The following RASGEF1C variants were observed in gnomAD, a reference collection of about 807,000 sequenced individuals.
RASGEF1C encodes the protein ras-GEF domain-containing family member 1C.
RASGEF1C carries 27 observed loss-of-function variants against 58.1 expected under a neutral mutation model. The observed-to-expected ratio is 0.46, with a 90% CI of 0.34 to 0.64. The LOEUF is 0.64. RASGEF1C is among the 30% of genes least tolerant of loss of function. The pLI is 0.01. For missense variants in RASGEF1C, 502 were observed against 605.1 expected, an observed-to-expected ratio of 0.83 and a Z score of 1.79; for synonymous variants, 243 against 246.3, an observed-to-expected ratio of 0.99 and a Z score of 0.13.
At position 180,174,513 on chromosome 5, in the gene RASGEF1C, C is replaced by T. The variant is rs183984029; in HGVS notation, c.-7+34515G>A. Reference sequence around the variant, plus strand: ...GCGCGTGTGTGTCTGTGTGTGCGTGCGCGTACACACGTGTGTCTCTGTGTG... The same window carrying T: ...GCGCGTGTGTGTCTGTGTGTGCGTGTGCGTACACACGTGTGTCTCTGTGTG... On this transcript the variant is annotated intron_variant, in intron 1 of 13. Transcript: ENST00000361132. 5.8e-4 allele frequency among the ~76,000 whole-genome samples: 84 copies of T among 145,448 alleles called. 1 individual carries two copies. Among genetic ancestry groups the T allele is most frequent in the South Asian group, 2.2e-4 (1 of 4,520 alleles).
intron 1 of RASGEF1C, among the ~76,000 whole-genome samples, chr5:180,150,592 G>A (rs952545744): frequency 6.6e-6 from 1 of 151,940 alleles, no homozygotes; most frequent in Non-Finnish European, 1.5e-5. Flanking sequence ...CACTTTGGGA[G>A]GCTGAGGTAG....
chr5:180,113,677 T>TGGAGGGATCGGGGATGGAC (rs1766012414), intron 11 of RASGEF1C, among the ~76,000 whole-genome samples: 1 of 63,476 alleles, frequency 1.6e-5, no homozygotes, highest in Non-Finnish European at 3.2e-5. Context: ...CGGGGATGGA[T>TGGAGGGATCGGGGATGGAC]GGAGGGATCG....
At chr5:180,126,315 G>C (rs1325581476) in intron 6 of RASGEF1C, among the ~76,000 whole-genome samples, 5 of 152,184 alleles carry the variant, frequency 3.3e-5, no homozygotes. Context: ...GCTGAGGCAG[G>C]AGAACGGTGT....
chr5:180,151,249 C>T (rs1175249651), intron 1 of RASGEF1C, among the ~76,000 whole-genome samples: 4 of 152,140 alleles, frequency 2.6e-5, no homozygotes, highest in Admixed American at 2.0e-4. Flanking sequence ...AAAAGACCCC[C>T]GCATTGCCAA....
chr5:180,171,885 G>A (rs1033522152), intron 1 of RASGEF1C, among the ~76,000 whole-genome samples: 4 of 152,102 alleles, frequency 2.6e-5, no homozygotes, highest in African/African-American at 4.8e-5. Flanking sequence ...GGTCTCCTCC[G>A]CTGCCTGGCT....
chr5:180,172,821 TC>T (rs1369643932), intron 1 of RASGEF1C, among the ~76,000 whole-genome samples: 1 of 151,884 alleles, frequency 6.6e-6, no homozygotes, highest in East Asian at 1.9e-4. Flanking sequence ...GCTTCTCACC[TC>T]CCTTGTCCTC....
intron 1 of RASGEF1C, among the ~76,000 whole-genome samples, chr5:180,188,891 C>A (rs1756095692): frequency 6.6e-6 from 1 of 152,142 alleles, no homozygotes; most frequent in South Asian, 2.1e-4. Context: ...GAATACCCAG[C>A]AATCCACTTC....
intron 1 of RASGEF1C, among the ~76,000 whole-genome samples, chr5:180,186,975 CA>C (rs910311789): frequency 2.4e-4 from 37 of 151,522 alleles, no homozygotes; most frequent in African/African-American, 8.0e-4. Context: ...ACAAACAAAA[CA>C]AAAAAACCAC....
At position 180,194,761 on chromosome 5, in the gene RASGEF1C, C is replaced by A. The variant is rs183265163; in HGVS notation, c.-7+14267G>T. 6.5e-3 allele frequency among the ~76,000 whole-genome samples: 991 copies of A among 152,324 alleles called. 8 individuals carry two copies. Among genetic ancestry groups the A allele is most frequent in the African/African-American group, 0.023 (936 of 41,572 alleles). On this transcript the variant is annotated intron_variant, in intron 1 of 13. Transcript: ENST00000361132. ...GGAGTACGTCACAGGAGATCCATCT[C>A]CCTACAGGGCTCCGGAGCCTGACCG...
chr5:180,126,231 C>T (rs1582269303), intron 6 of RASGEF1C, among the ~76,000 whole-genome samples: 1 of 152,196 alleles, frequency 6.6e-6, no homozygotes, highest in East Asian at 1.9e-4. Context: ...CACGGTGAAA[C>T]CCTGTCTCTA....
chr5:180,163,140 T>A (rs1766968856), intron 1 of RASGEF1C, among the ~76,000 whole-genome samples: 1 of 151,964 alleles, frequency 6.6e-6, no homozygotes, highest in African/African-American at 2.4e-5. Flanking sequence ...TTGGATTTTC[T>A]AGGTAGAAAA....
chr5:180,101,466 G>T lies in RASGEF1C; in HGVS notation c.*35C>A. On this transcript the variant is annotated 3_prime_UTR_variant, in exon 14 of 14. Coordinates refer to ENST00000361132, the MANE Select transcript of RASGEF1C (RefSeq NM_175062.4). ...GCAGGGCTGTGGACGGCTTCTGCGG[G>T]CTCCAGCTCTTCCTCGTCCCTCAGC... is the stretch of plus-strand genomic sequence containing the variant. 1.2e-6 allele frequency: 2 copies of T among 1,607,696 alleles called. No homozygotes were observed. Among genetic ancestry groups the T allele is most frequent in the Non-Finnish European group, 1.7e-6 (2 of 1,179,650 alleles).
At position 180,156,010 on chromosome 5, in the gene RASGEF1C, G is replaced by T. The variant is rs1457079668; in HGVS notation, c.-6-17952C>A. On this transcript the variant is annotated intron_variant, in intron 1 of 13. Transcript: ENST00000361132. This position sits in a 1 kb window ranked among gnomAD's most constrained non-coding sequence, Gnocchi z 4.9. Reference sequence around the variant, plus strand: ...ATTACTATTATTATTATTACAGCATGAACATCTGTTCCCAGGACCCAGGCT... The same window carrying T: ...ATTACTATTATTATTATTACAGCATTAACATCTGTTCCCAGGACCCAGGCT... Among the ~76,000 whole-genome samples, 1 of 152,114 alleles carries T rather than the reference G, an allele frequency of 6.6e-6. No homozygotes were observed. Among genetic ancestry groups the T allele is most frequent in the Non-Finnish European group, 1.5e-5 (1 of 68,026 alleles).
At chr5:180,183,075 T>C (rs1390139216) in intron 1 of RASGEF1C, among the ~76,000 whole-genome samples, 2 of 152,218 alleles carry the variant, frequency 1.3e-5, no homozygotes, top group African/African-American at 2.4e-5. Flanking sequence ...AGGGAAATTA[T>C]GCTGCATGAG....
At chr5:180,174,402 G>A (rs976294017) in intron 1 of RASGEF1C, among the ~76,000 whole-genome samples, 12 of 151,442 alleles carry the variant, frequency 7.9e-5, no homozygotes, top group East Asian at 2.0e-4. Context: ...ATGTGTGTGC[G>A]TCTGTGTGTG....
rs753272242 is a variant in RASGEF1C at position 180,119,331 on chromosome 5, G to C, written c.907+15C>G. The C allele has an allele frequency of 1.1e-4, 176 of 1,605,698 alleles. 1 individual carries two copies. Among genetic ancestry groups the C allele is most frequent in the Admixed American group, 7.0e-4 (42 of 60,006 alleles). On this transcript the variant is annotated intron_variant, in intron 8 of 13. Coordinates refer to ENST00000361132, the MANE Select transcript of RASGEF1C (RefSeq NM_175062.4). ...CCCGTGCACTGGGGGCCACAGGCCAGGCCGGCCCACTCACAGATGATGGCC... is the reference window on the plus strand; with the variant it reads ...CCCGTGCACTGGGGGCCACAGGCCACGCCGGCCCACTCACAGATGATGGCC...
intron 4 of RASGEF1C, among the ~76,000 whole-genome samples, chr5:180,131,017 C>A (rs927389040): frequency 6.6e-6 from 1 of 152,046 alleles, no homozygotes; most frequent in Admixed American, 6.6e-5. Context: ...CCATCACCAC[C>A]CCTCTCTAGT....
Position 180,137,491 on chromosome 5 carries a change from CG to C in RASGEF1C, c.300+98del. On this transcript the variant is annotated intron_variant, in intron 3 of 13. Transcript: ENST00000361132. This position sits in a 1 kb window ranked among gnomAD's most constrained non-coding sequence, Gnocchi z 4.1. ...CCCGGTAGCCACCTTGTCAGGAAAA[CG>C]GGGACAATCATTGCCTCCCCGAGAG... 6.7e-7 allele frequency: 1 copy of C among 1,499,180 alleles called. No homozygotes were observed. The allele number at this position is 1,499,180 out of a possible 1,614,324, so 92.9% of individuals were successfully genotyped here. A position where few individuals can be genotyped will look rare whatever the true frequency, so the allele number is the denominator to read the frequency against.
intron 1 of RASGEF1C, among the ~76,000 whole-genome samples, chr5:180,151,487 A>T (rs1367203411): frequency 6.6e-6 from 1 of 152,236 alleles, no homozygotes; most frequent in East Asian, 1.9e-4. Flanking sequence ...CTATTTAATA[A>T]ATGGTGCTGG....
Sources: gnomAD v4.1 joint callset for allele counts (sites outside exome capture counted in the v4.1 genomes callset) on GRCh38, gnomAD v4.1.1 for gene constraint, Gnocchi (gnomAD v3.1) non-coding constraint, MANE v1.5 for transcripts, NCBI Gene and HGNC (gene_info 2026-07-23, HGNC 2026-07-21) for gene names.